The following PCDH15 variants were observed in gnomAD, a reference collection of about 807,000 sequenced individuals.
The protein encoded by PCDH15 is protocadherin related 15.
Under a neutral mutation model 178.5 loss-of-function variants are expected in PCDH15, and 129 were observed. The observed-to-expected ratio is 0.72, with a 90% CI of 0.63 to 0.84. The LOEUF (loss-of-function observed/expected upper bound fraction) is 0.84, where lower values mean the gene tolerates loss of function less well. PCDH15 is among the 40% of genes least tolerant of loss of function. PCDH15 has a pLI of 0.00. For synonymous variants in PCDH15, 800 were observed against 732.0 expected (o/e 1.09, Z -1.50); for missense variants, 2,230 against 2,099.9 (o/e 1.06, Z -1.21).
chr10:55,146,308 G>T (rs1364101933), intron 2 of PCDH15, among the ~76,000 whole-genome samples: 1 of 151,950 alleles, frequency 6.6e-6, no homozygotes, highest in Non-Finnish European at 1.5e-5. Flanking sequence ...TATGAGCTCA[G>T]CTGGCAGTAA....
chr10:53,978,131 G>C (rs1270146084), intron 21 of PCDH15, among the ~76,000 whole-genome samples: 1 of 152,164 alleles, frequency 6.6e-6, no homozygotes, highest in Admixed American at 6.5e-5. Flanking sequence ...AGCTCCACTA[G>C]GCAGTGCACC....
chr10:54,089,138 A>G (rs1243404618), intron 16 of PCDH15, among the ~76,000 whole-genome samples: 1 of 152,216 alleles, frequency 6.6e-6, no homozygotes, highest in Non-Finnish European at 1.5e-5. Flanking sequence ...GTGAAATTTC[A>G]GGTATTTCTG....
At chr10:55,341,805 ATTTTTTTTT>A (rs869187882) in intron 2 of PCDH15, among the ~76,000 whole-genome samples, 165 of 15,772 alleles carry the variant, frequency 0.01, no homozygotes, top group African/African-American at 0.014. Context: ...ATATATATAT[ATTTTTTTTT>A]TTTTTTTTTT....
intron 1 of PCDH15, among the ~76,000 whole-genome samples, chr10:55,249,961 G>GA (rs535384794): frequency 0.011 from 1,615 of 151,512 alleles, 38 homozygotes; most frequent in African/African-American, 0.037. Context: ...ATGATCTCTA[G>GA]AAAAAAAATC....
At chr10:54,099,586 T>C (rs981210655) in intron 15 of PCDH15, among the ~76,000 whole-genome samples, 1 of 149,800 alleles carries the variant, frequency 6.7e-6, no homozygotes, top group Non-Finnish European at 1.5e-5. Context: ...AGATCAATTG[T>C]CCATTAAGCC....
intron 1 of PCDH15, among the ~76,000 whole-genome samples, chr10:55,272,861 ATATACT>A (rs2132248660): frequency 6.6e-6 from 1 of 152,104 alleles, no homozygotes; most frequent in African/African-American, 2.4e-5. Flanking sequence ...CTAATGCATT[ATATACT>A]TTGAGATGTA....
At chr10:54,825,482 T>C (rs2133745280) in intron 3 of PCDH15, among the ~76,000 whole-genome samples, 1 of 148,298 alleles carries the variant, frequency 6.7e-6, no homozygotes, top group East Asian at 2.0e-4. Flanking sequence ...TAGTTTACAG[T>C]CCCACCAACA....
intron 2 of PCDH15, among the ~76,000 whole-genome samples, chr10:55,158,078 G>GTGTGTGTGTA (rs1335196401): frequency 3.7e-4 from 43 of 117,176 alleles, no homozygotes; most frequent in African/African-American, 1.2e-3. Flanking sequence ...GTATGTGTGT[G>GTGTGTGTGTA]TATATATATA....
rs192781393 is a variant in PCDH15, at chr10:53,841,506, G to C, written c.3807-1010C>G. Among the ~76,000 whole-genome samples, 4 of 152,152 alleles carry C rather than the reference G, an allele frequency of 2.6e-5. No individual in the cohort carries two copies. In the East Asian group the frequency reaches 7.8e-4, roughly 30 times the overall value. ...GAAAGTATATTCCCTTAAGAGTCTT[G>C]TATGTGCTTGGTTTGCCTTGTTATT... On this transcript the variant is annotated intron_variant, in intron 28 of 37. Coordinates refer to ENST00000644397, the MANE Select transcript of PCDH15 (RefSeq NM_001384140.1).
chr10:55,280,452 T>G (rs1842703249), intron 1 of PCDH15, among the ~76,000 whole-genome samples: 1 of 139,532 alleles, frequency 7.2e-6, no homozygotes. Flanking sequence ...CTATTTTTTT[T>G]TTTTTTTTTT....
chr10:55,192,023 TA>T lies in PCDH15; in HGVS notation c.-155-25373del, dbSNP rs1839955798. Among the ~76,000 whole-genome samples the T allele has an allele frequency of 2.0e-5, 3 of 151,972 alleles. No individual in the cohort carries two copies. The South Asian group carries it at 6.2e-4, about 31-fold the overall frequency. ...ATGTTTAGCTATTCCATTGTCAGTG[TA>T]AGATAATAATATCACACTAAAATAA... On this transcript the variant is annotated intron_variant, in intron 1 of 5. Coordinates refer to the PCDH15 transcript ENST00000458638.
At chr10:55,308,684 A>C (rs1171397563) in intron 1 of PCDH15, among the ~76,000 whole-genome samples, 1 of 152,160 alleles carries the variant, frequency 6.6e-6, no homozygotes, top group Non-Finnish European at 1.5e-5. Flanking sequence ...ACTTAAAATC[A>C]CCTGTTCCTA....
At chr10:54,236,057 A>T (rs2054596579) in intron 9 of PCDH15, among the ~76,000 whole-genome samples, 1 of 152,172 alleles carries the variant, frequency 6.6e-6, no homozygotes, top group Admixed American at 6.5e-5. Flanking sequence ...AGAGGACAGA[A>T]AGGGGTTGAG....
intron 8 of PCDH15, among the ~76,000 whole-genome samples, chr10:54,289,071 C>T (rs1406525657): frequency 6.6e-6 from 1 of 152,210 alleles, no homozygotes; most frequent in Non-Finnish European, 1.5e-5. Context: ...CAAGTGGGTC[C>T]CTGACCCCCG....
chr10:55,138,243 A>T (rs1387376113), intron 2 of PCDH15, among the ~76,000 whole-genome samples: 3 of 152,146 alleles, frequency 2.0e-5, no homozygotes, highest in Admixed American at 2.0e-4. Flanking sequence ...AATACTTATA[A>T]TAAAAAATGT....
chr10:54,245,568 C>A (rs1457383404), intron 8 of PCDH15, among the ~76,000 whole-genome samples: 1 of 151,980 alleles, frequency 6.6e-6, no homozygotes, highest in Non-Finnish European at 1.5e-5. Flanking sequence ...ATGAGAAAAA[C>A]ACATGTATTA....
intron 21 of PCDH15, among the ~76,000 whole-genome samples, chr10:53,982,794 C>T (rs1172364286): frequency 3.3e-5 from 5 of 151,540 alleles, no homozygotes; most frequent in Admixed American, 2.0e-4. Flanking sequence ...ACATTGTGCA[C>T]ATGTACCCTA....
chr10:54,356,032 A>G (rs911626137), intron 5 of PCDH15, among the ~76,000 whole-genome samples: 8 of 152,204 alleles, frequency 5.3e-5, no homozygotes, highest in Non-Finnish European at 1.0e-4. Context: ...GGATAGTTAC[A>G]GTCTTAACCT....
chr10:53,840,278 A>T (rs2077560670), intron 29 of PCDH15, 42 bp downstream of exon 29: 4 of 1,582,408 alleles, frequency 2.5e-6, no homozygotes, highest in Non-Finnish European at 3.5e-6. Context: ...TATGGTTGCT[A>T]TTGTAACCAA....
Sources: gnomAD v4.1 joint callset for allele counts (sites outside exome capture counted in the v4.1 genomes callset) on GRCh38, gnomAD v4.1.1 for gene constraint, MANE v1.5 for transcripts, NCBI Gene and HGNC (gene_info 2026-07-23, HGNC 2026-07-21) for gene names.